The following UIMC1 variants were observed in gnomAD, a reference collection of about 807,000 sequenced individuals.
UIMC1 encodes the protein ubiquitin interaction motif containing 1, also known as BRCA1-A complex subunit RAP80.
A neutral mutation model predicts 84.9 loss-of-function variants in UIMC1; 42 were observed. The observed-to-expected ratio is 0.49, with a 90% CI of 0.39 to 0.64. The LOEUF (loss-of-function observed/expected upper bound fraction) is 0.64, where lower values mean the gene tolerates loss of function less well. Among genes scored for constraint, UIMC1 ranks in the 30% least tolerant of loss-of-function variants. The pLI is 0.00. For missense variants in UIMC1, 825 were observed against 847.6 expected (o/e 0.97, Z 0.33); for synonymous variants, 281 against 293.0 (o/e 0.96, Z 0.42).
rs575209123 is a variant in UIMC1, at chr5:176,991,785, C to T, written c.-8-9162G>A. On this transcript the variant is annotated intron_variant, in intron 1 of 14. Coordinates refer to ENST00000511320, the MANE Select transcript of UIMC1 (RefSeq NM_001199298.2). ...AAGTCTACTAAAAATACAAAAAATT[C>T]GCCGGGCGTGGTGGCAGGCAACTGT... Among the ~76,000 whole-genome samples the T allele has an allele frequency of 1.6e-4, 25 of 151,846 alleles. 1 individual carries two copies. In the South Asian group the frequency reaches 4.0e-3, roughly 24 times the overall value.
chr5:176,960,453 T>C (rs1380602810), intron 6 of UIMC1, among the ~76,000 whole-genome samples: 3 of 152,028 alleles, frequency 2.0e-5, no homozygotes, highest in African/African-American at 4.8e-5. Context: ...ACTACCCAAA[T>C]GTAATCAAGG....
intron 1 of UIMC1, among the ~76,000 whole-genome samples, chr5:176,998,280 G>C (rs353474): frequency 1.3e-5 from 2 of 151,108 alleles, no homozygotes; most frequent in Non-Finnish European, 3.0e-5. Context: ...CCTGGCCAAC[G>C]TGGTGAAACC....
intron 1 of UIMC1, among the ~76,000 whole-genome samples, chr5:176,994,354 T>C (rs1773284514): frequency 6.6e-6 from 1 of 152,124 alleles, no homozygotes; most frequent in African/African-American, 2.4e-5. Context: ...AAATTAAATT[T>C]ACAATGGCCT....
intron 13 of UIMC1, 99 bp from the exon 14 acceptor site, chr5:176,906,146 C>T: frequency 3.5e-6 from 4 of 1,136,774 alleles, no homozygotes; most frequent in Non-Finnish European, 5.1e-6. Context: ...CACTGCTTCT[C>T]ATCAGGCCTA....
intron 1 of UIMC1, among the ~76,000 whole-genome samples, chr5:176,996,488 T>A (rs776845799): frequency 3.3e-5 from 5 of 152,208 alleles, no homozygotes; most frequent in Non-Finnish European, 7.3e-5. Context: ...ACAAATCTCT[T>A]CTCAAGAAAA....
At chr5:176,908,339 C>T (rs1759675570) in intron 12 of UIMC1, among the ~76,000 whole-genome samples, 184 bp downstream of exon 12, 1 of 152,070 alleles carries the variant, frequency 6.6e-6, no homozygotes, top group African/African-American at 2.4e-5. Flanking sequence ...ATATTCTCTA[C>T]AATGAACATG....
At chr5:176,976,476 C>A (rs1240596082) in intron 2 of UIMC1, among the ~76,000 whole-genome samples, 3 of 152,150 alleles carry the variant, frequency 2.0e-5, no homozygotes, top group South Asian at 2.1e-4. Flanking sequence ...TCACTTCACA[C>A]CCACTAGGAT....
intron 10 of UIMC1, among the ~76,000 whole-genome samples, chr5:176,932,104 G>C (rs1241809616): frequency 1.3e-5 from 2 of 152,158 alleles, no homozygotes; most frequent in Non-Finnish European, 1.5e-5. Flanking sequence ...TGGAAACACT[G>C]GTCTACAAGT....
rs149745885 is a variant in UIMC1 at position 176,912,566 on chromosome 5, G to A, written c.1598-1177C>T. Among the ~76,000 whole-genome samples, 7 of 150,264 alleles carry A rather than the reference G, an allele frequency of 4.7e-5. No individual in the cohort carries two copies. The East Asian group carries it at 7.9e-4, about 17-fold the overall frequency. On this transcript the variant is annotated intron_variant, in intron 10 of 14. Transcript: ENST00000511320. ...CAGCTCACTGCAACCTCTGCCTCCCGAGTTCAAGTGATTCTCCTGCCTCAG... is the reference window on the plus strand; with the variant it reads ...CAGCTCACTGCAACCTCTGCCTCCCAAGTTCAAGTGATTCTCCTGCCTCAG...
intron 1 of UIMC1, among the ~76,000 whole-genome samples, chr5:177,018,349 C>CA (rs373953088): frequency 0.029 from 3,972 of 134,926 alleles, 231 homozygotes; most frequent in African/African-American, 0.1. Flanking sequence ...GACTCTGTCT[C>CA]AAAAAAAAAA....
intron 13 of UIMC1, 22 bp from the exon 14 acceptor site, chr5:176,906,069 A>T: frequency 6.2e-7 from 1 of 1,611,722 alleles, no homozygotes; most frequent in East Asian, 2.2e-5. Flanking sequence ...AAGAAAAAAT[A>T]ATAATGTTGG....
At chr5:176,943,520 G>A in intron 9 of UIMC1, 32 bp from the exon 10 acceptor site, 1 of 1,608,776 alleles carries the variant, frequency 6.2e-7, no homozygotes, top group Non-Finnish European at 8.5e-7. Flanking sequence ...AATCATAACA[G>A]CTTTAGTTCA....
rs1581733289 is a variant in UIMC1 at position 177,006,696 on chromosome 5, T to C, written c.-55A>G. ...TAGACCTTCTCCGGGTTGCCGGGGG[T>C]CGCGAGCCGCCACACGTTGGGAGCG... is the stretch of plus-strand genomic sequence containing the variant. On this transcript the variant is annotated 5_prime_UTR_variant, in exon 1 of 15. Transcript: ENST00000511320. The C allele has an allele frequency of 6.6e-6, 1 of 150,714 alleles. No homozygotes were observed. The highest frequency in any genetic ancestry group is 2.4e-5 in the African/African-American group (1 of 41,006). 9.3% of individuals were successfully genotyped at this position (150,714 alleles called of 1,614,324 possible).
intron 10 of UIMC1, among the ~76,000 whole-genome samples, chr5:176,911,713 T>C (rs1760239573): frequency 6.6e-6 from 1 of 152,154 alleles, no homozygotes; most frequent in African/African-American, 2.4e-5. Context: ...GATTTACACT[T>C]TCCCAAGCAA....
At chr5:176,912,173 G>T (rs139957531) in intron 10 of UIMC1, among the ~76,000 whole-genome samples, 1 of 152,190 alleles carries the variant, frequency 6.6e-6, no homozygotes, top group African/African-American at 2.4e-5. Flanking sequence ...CATTTATCTA[G>T]TCCAGGGGTC....
chr5:176,981,520 G>A (rs538413580), intron 2 of UIMC1, among the ~76,000 whole-genome samples: 15 of 152,032 alleles, frequency 9.9e-5, no homozygotes, highest in East Asian at 3.9e-4. Flanking sequence ...TCATTTTTTG[G>A]CCAGATGCAG....
At chr5:177,007,429 G>A (rs1471955937), upstream of UIMC1, among the ~76,000 whole-genome samples, 2 of 151,448 alleles carry the variant, frequency 1.3e-5, no homozygotes, top group African/African-American at 4.9e-5. Flanking sequence ...AAGGAGGCCA[G>A]CTTCCTGGCG....
At chr5:177,007,748 G>A (rs572518686), upstream of UIMC1, among the ~76,000 whole-genome samples, 4 of 152,296 alleles carry the variant, frequency 2.6e-5, no homozygotes, top group East Asian at 5.8e-4. Flanking sequence ...GAAAGAAGGA[G>A]TAGCGGAAAA....
At chr5:176,982,767 T>C (rs1771245301) in intron 1 of UIMC1, 144 bp from the exon 2 acceptor site, 3 of 955,978 alleles carry the variant, frequency 3.1e-6, no homozygotes, top group Non-Finnish European at 4.5e-6. Context: ...TGGCACGATC[T>C]TGGCTCACTG....
Sources: allele counts gnomAD v4.1 joint callset (sites outside exome capture counted in the v4.1 genomes callset), GRCh38; gene constraint gnomAD v4.1.1; transcripts MANE v1.5; gene names NCBI Gene and HGNC (gene_info 2026-07-23, HGNC 2026-07-21).